Variants in SYNPR observed in about 807,000 individuals in gnomAD.
The protein encoded by SYNPR is synaptoporin.
A neutral mutation model predicts 32.9 loss-of-function variants in SYNPR; 23 were observed. That is an observed-to-expected ratio of 0.70 (90% CI 0.50 to 0.99). The LOEUF (loss-of-function observed/expected upper bound fraction) is 0.99, where lower values mean the gene tolerates loss of function less well. Ranked by LOEUF, SYNPR falls within the 50% of genes least tolerant of loss-of-function variation. The pLI is 0.00. For synonymous variants in SYNPR, 146 were observed against 135.9 expected (o/e 1.07, Z -0.52); for missense variants, 318 against 349.3 (o/e 0.91, Z 0.71).
intron 2 of SYNPR, among the ~76,000 whole-genome samples, chr3:63,430,788 A>G (rs1699979450): frequency 6.6e-6 from 1 of 152,108 alleles, no homozygotes; most frequent in South Asian, 2.1e-4. Flanking sequence ...TTTCTGAAGA[A>G]TGGGGATAAC....
chr3:63,598,455 G>A (rs1228528033), intron 4 of SYNPR, among the ~76,000 whole-genome samples: 1 of 152,182 alleles, frequency 6.6e-6, no homozygotes, highest in African/African-American at 2.4e-5. Flanking sequence ...CTGCTTCCTT[G>A]ATTGAGGAAG....
At chr3:63,407,828 G>A (rs9870667) in intron 2 of SYNPR, among the ~76,000 whole-genome samples, 2,629 of 152,022 alleles carry the variant, frequency 0.017, 77 homozygotes, top group African/African-American at 0.059. Context: ...ACAGATGCTA[G>A]GGCTCTCACT....
rs181956731 is a variant in SYNPR at position 63,403,239 on chromosome 3, T to A, written c.85-77593T>A. On this transcript the variant is annotated intron_variant, in intron 2 of 5. Transcript: ENST00000478300. ...AAGTAAAAGTGTTATCAGTTCCTAG[T>A]CTGGACTATGAGTTTGCCTAAATGA... 1.4e-4 allele frequency among the ~76,000 whole-genome samples: 21 copies of A among 152,226 alleles called. 1 individual carries two copies. Among genetic ancestry groups the A allele is most frequent in the African/African-American group, 5.1e-4 (21 of 41,520 alleles).
the SYNPR span, among the ~76,000 whole-genome samples, chr3:63,219,092 G>A: frequency 0.065 from 9,967 of 152,208 alleles, 409 homozygotes; most frequent in South Asian, 0.089. Context: ...GTTCTATGAA[G>A]GAATTGAAGA....
intron 3 of SYNPR, among the ~76,000 whole-genome samples, chr3:63,541,322 A>AC (rs1211454253): frequency 6.6e-6 from 1 of 152,014 alleles, no homozygotes; most frequent in Non-Finnish European, 1.5e-5. Context: ...CTCTAATTGC[A>AC]CATGGTAGAA....
At chr3:63,350,485 T>C (rs1432972413) in intron 2 of SYNPR, among the ~76,000 whole-genome samples, 1 of 152,206 alleles carries the variant, frequency 6.6e-6, no homozygotes, top group Non-Finnish European at 1.5e-5. Flanking sequence ...AAAGCCATAT[T>C]GCTAAAGCTG....
At chr3:63,578,898 A>G (rs1703040058) in intron 4 of SYNPR, among the ~76,000 whole-genome samples, 1 of 152,130 alleles carries the variant, frequency 6.6e-6, no homozygotes, top group Non-Finnish European at 1.5e-5. Context: ...ACACATTCTC[A>G]GAGTTGGGCC....
intron 4 of SYNPR, among the ~76,000 whole-genome samples, chr3:63,579,880 T>C (rs1180765670): frequency 6.6e-6 from 1 of 151,598 alleles, no homozygotes; most frequent in Non-Finnish European, 1.5e-5. Flanking sequence ...CACTCTAGTG[T>C]TTCTCCTTAG....
chr3:63,238,673 ACATT>A (rs2086216072), intron 1 of SYNPR, among the ~76,000 whole-genome samples: 1 of 152,304 alleles, frequency 6.6e-6, no homozygotes, highest in African/African-American at 2.4e-5. Context: ...AAGAGATCTG[ACATT>A]CATTCACTTA....
intron 3 of SYNPR, among the ~76,000 whole-genome samples, chr3:63,521,932 C>A (rs1413483333): frequency 1.3e-5 from 2 of 152,130 alleles, no homozygotes; most frequent in African/African-American, 4.8e-5. Flanking sequence ...CCAAAGGCAA[C>A]CAGAAACCAG....
In SYNPR at chr3:63,517,193, A is replaced by G. The variant is rs566063470; in HGVS notation, c.209+36237A>G. Among the ~76,000 whole-genome samples the G allele has an allele frequency of 2.0e-5, 3 of 152,274 alleles. No individual in the cohort carries two copies. In the South Asian group the frequency reaches 6.2e-4, roughly 32 times the overall value. The stretch of plus-strand genomic sequence containing the variant: ...ACTGAGGACTCTAGCAACAACAAGG[A>G]CAACATAGCATAGGGGTTCTAAGCA... On this transcript the variant is annotated intron_variant, in intron 3 of 5. Coordinates refer to ENST00000478300, the MANE Select transcript of SYNPR (RefSeq NM_001130003.2).
intron 3 of SYNPR, among the ~76,000 whole-genome samples, chr3:63,271,161 G>A (rs1320136486): frequency 1.3e-5 from 2 of 152,062 alleles, no homozygotes; most frequent in African/African-American, 4.8e-5. Context: ...CCAAGCAGGT[G>A]TAAAACTGCA....
chr3:63,304,389 A>G (rs1264078419), intron 2 of SYNPR, among the ~76,000 whole-genome samples: 3 of 151,344 alleles, frequency 2.0e-5, no homozygotes, highest in Non-Finnish European at 4.4e-5. Context: ...TGTGTAAGAA[A>G]TTTTAAATCA....
intron 2 of SYNPR, among the ~76,000 whole-genome samples, chr3:63,419,692 G>T (rs2088582842): frequency 6.6e-6 from 1 of 152,174 alleles, no homozygotes; most frequent in Non-Finnish European, 1.5e-5. Flanking sequence ...AGTAGCAGTT[G>T]CCCCATGAAG....
At chr3:63,308,134 A>T (rs1170910648) in intron 2 of SYNPR, among the ~76,000 whole-genome samples, 5 of 152,074 alleles carry the variant, frequency 3.3e-5, no homozygotes, top group Non-Finnish European at 5.9e-5. Context: ...AAGTTGAGAG[A>T]TGAAAAGAAA....
At chr3:63,352,184 G>A (rs17068288) in intron 2 of SYNPR, among the ~76,000 whole-genome samples, 24,655 of 152,072 alleles carry the variant, frequency 0.16, 2,147 homozygotes, top group Middle Eastern at 0.18. Flanking sequence ...CGGCCAAAGA[G>A]GTGAGCAGGA....
intron 4 of SYNPR, among the ~76,000 whole-genome samples, chr3:63,608,112 T>G (rs1700149653): frequency 6.6e-6 from 1 of 152,174 alleles, no homozygotes; most frequent in Non-Finnish European, 1.5e-5. Context: ...AATCTGAATT[T>G]TTTTAATACT....
At chr3:63,256,530 A>G (rs2086385325) in intron 2 of SYNPR, among the ~76,000 whole-genome samples, 2 of 152,230 alleles carry the variant, frequency 1.3e-5, no homozygotes, top group African/African-American at 4.8e-5. Context: ...AAGGAAAACT[A>G]ACAAACAGAA....
chr3:63,501,510 A>AAAAAG (rs796454936), intron 3 of SYNPR, among the ~76,000 whole-genome samples: 1,616 of 97,826 alleles, frequency 0.017, 19 homozygotes, highest in South Asian at 0.018. Flanking sequence ...AAAAAAAAAA[A>AAAAAG]AAAAGAAAAG....
Sources: gnomAD v4.1 joint callset for allele counts (sites outside exome capture counted in the v4.1 genomes callset) on GRCh38, gnomAD v4.1.1 for gene constraint, MANE v1.5 for transcripts, NCBI Gene and HGNC (gene_info 2026-07-23, HGNC 2026-07-21) for gene names.